SEMA3F: variants seen among roughly 807,000 people sequenced by gnomAD.
SEMA3F encodes semaphorin-3F.
Under a neutral mutation model 98.5 loss-of-function variants are expected in SEMA3F, and 30 were observed. The ratio of observed to expected loss-of-function variants is 0.30; its 90% CI spans 0.23 to 0.41. The LOEUF (loss-of-function observed/expected upper bound fraction) is 0.41. Among genes scored for constraint, SEMA3F ranks in the 10% least tolerant of loss-of-function variants. The pLI is 1.00. For missense variants in SEMA3F, 866 were observed against 1,119.3 expected (o/e 0.77, Z 3.23); for synonymous variants, 380 against 444.8 (o/e 0.85, Z 1.83).
In SEMA3F at chr3:50,155,343, CATGGCCCGGGCTGGG is replaced by C. The variant is rs1388146328; in HGVS notation, c.-269_-255del. On this transcript the variant is annotated 5_prime_UTR_variant, in exon 1 of 19. It removes an upstream start codon present in the reference 5' UTR. Coordinates refer to ENST00000002829, the MANE Select transcript of SEMA3F (RefSeq NM_004186.5). The surrounding 1 kb of genome is among the most constrained non-coding windows in gnomAD (Gnocchi z 4.9). Reference sequence around the variant, plus strand: ...GGCCCCGAGCGCCCCTGAGCCTTCCCATGGCCCGGGCTGGGGCCCGGGCCCTCGGCTGCTGACGCG... The same window carrying C: ...GGCCCCGAGCGCCCCTGAGCCTTCCCGCCCGGGCCCTCGGCTGCTGACGCG... 4 of 301,254 alleles carry C rather than the reference CATGGCCCGGGCTGGG, an allele frequency of 1.3e-5. No individual in the cohort carries two copies. The highest frequency in any genetic ancestry group is 2.4e-5 in the Non-Finnish European group (4 of 165,718). The allele number at this position is 301,254 out of a possible 1,614,324, so 18.7% of individuals were successfully genotyped here.
At chr3:50,161,694 C>T (rs1344899308) in intron 2 of SEMA3F, among the ~76,000 whole-genome samples, 1 of 152,220 alleles carries the variant, frequency 6.6e-6, no homozygotes, top group Non-Finnish European at 1.5e-5. Context: ...TATGACAGGC[C>T]CCGTGCTGAG....
chr3:50,184,744 C>G lies in SEMA3F; in HGVS notation c.1386C>G (p.Arg462=). ...TAGTCCGCACAGGTGCTCCCTACCG[C>G]CTTACCACTATTGCCGTGGACCAGG... ...PLVVRTGAPY[R]LTTIAVDQVD... The change falls in exon 13 of 19, where the codon CGC becomes CGG. Residue 462 remains arginine (R), a synonymous_variant. Transcript: ENST00000002829. The G allele has an allele frequency of 6.2e-7, 1 of 1,614,150 alleles. No homozygotes were observed. Among genetic ancestry groups the G allele is most frequent in the Admixed American group, 1.7e-5 (1 of 60,016 alleles).
intron 2 of SEMA3F, among the ~76,000 whole-genome samples, chr3:50,163,399 G>A (rs2109062918): frequency 6.6e-6 from 1 of 152,362 alleles, no homozygotes; most frequent in African/African-American, 2.4e-5. Context: ...GAGAGGAAAG[G>A]GCTCCTGTTC....
intron 7 of SEMA3F, among the ~76,000 whole-genome samples, 157 bp downstream of exon 7, chr3:50,177,018 GCCAGAC>G (rs1325708050): frequency 6.6e-6 from 1 of 152,214 alleles, no homozygotes; most frequent in African/African-American, 2.4e-5. Context: ...GAGGGTGCAG[GCCAGAC>G]CCCACTGTGA....
chr3:50,159,601 TG>T lies in SEMA3F; in HGVS notation c.-19del. 6.8e-7 allele frequency: 1 copy of T among 1,472,514 alleles called. No homozygotes were observed. Among genetic ancestry groups the T allele is most frequent in the Non-Finnish European group, 9.4e-7 (1 of 1,066,166 alleles). The allele number at this position is 1,472,514 out of a possible 1,614,324, so 91.2% of individuals were successfully genotyped here. On this transcript the variant is annotated 5_prime_UTR_variant, in exon 2 of 19. Coordinates refer to ENST00000002829, the MANE Select transcript of SEMA3F (RefSeq NM_004186.5). ...TTTCTAGAGAGTGGAGCCTGCTTCC[TG>T]GGCCCTAGGCCCCTCCCACAATGCT...
At chr3:50,175,340 G>T in intron 6 of SEMA3F, 152 bp downstream of exon 6, 1 of 629,178 alleles carries the variant, frequency 1.6e-6, no homozygotes, top group Non-Finnish European at 2.9e-6. Context: ...GAGCCCTCAG[G>T]CTCAGAAGGC....
chr3:50,179,038 T>G (rs544636384), intron 7 of SEMA3F, among the ~76,000 whole-genome samples: 2 of 151,960 alleles, frequency 1.3e-5, no homozygotes, highest in African/African-American at 4.8e-5. Flanking sequence ...TTAGCCAGGA[T>G]GGTCTCGATC....
Position 50,184,669 on chromosome 3 carries a change from C to T in SEMA3F, c.1311C>T (p.Ser437=). Reference sequence around the variant, plus strand: ...ATGAGGTGATCAACTTCATGCGCAGCCACCCACTCATGTACCAGGCCGTGT... The same window carrying T: ...ATGAGGTGATCAACTTCATGCGCAGTCACCCACTCATGTACCAGGCCGTGT... ...YPDEVINFMR[S]HPLMYQAVYP... Residue 437 remains serine, a synonymous_variant, in exon 13 of 19, where the codon AGC becomes AGT. Transcript: ENST00000002829. The T allele has an allele frequency of 6.2e-7, 1 of 1,614,134 alleles. No individual in the cohort carries two copies.
chr3:50,170,808 CTG>C (rs1484173840), intron 2 of SEMA3F, among the ~76,000 whole-genome samples: 2 of 152,058 alleles, frequency 1.3e-5, no homozygotes, highest in Non-Finnish European at 2.9e-5. Context: ...TCCCCCCACA[CTG>C]TTTCCACAGT....
chr3:50,178,885 G>T lies in SEMA3F; in HGVS notation c.643+2024G>T, dbSNP rs1344621099. ...CTCGCTCTGTCGCCCAGGCTGGAGTGCAGTGGTGTGATTTCAGCTCACTGC... is the reference window on the plus strand; with the variant it reads ...CTCGCTCTGTCGCCCAGGCTGGAGTTCAGTGGTGTGATTTCAGCTCACTGC... On this transcript the variant is annotated intron_variant, in intron 7 of 18. Transcript: ENST00000002829. Among the ~76,000 whole-genome samples the T allele has an allele frequency of 3.0e-5, 4 of 132,832 alleles. No homozygotes were observed. The Admixed American group carries it at 3.2e-4, about 11-fold the overall frequency. The allele number at this position is 132,832 out of a possible 152,430, so 87.1% of individuals were successfully genotyped here.
chr3:50,169,934 C>A (rs1188261724), intron 2 of SEMA3F, among the ~76,000 whole-genome samples: 1 of 152,172 alleles, frequency 6.6e-6, no homozygotes, highest in Non-Finnish European at 1.5e-5. Context: ...TTGCCCACCC[C>A]CTGCTCTGAC....
rs774850344 is a variant in SEMA3F, at chr3:50,185,849, T to G, written c.1588-40T>G. 9 of 1,606,778 alleles carry G rather than the reference T, an allele frequency of 5.6e-6. No homozygotes were observed. In the African/African-American group the frequency reaches 1.2e-4, roughly 21 times the overall value. On this transcript the variant is annotated intron_variant, in intron 15 of 18. Transcript: ENST00000002829. ...CTAGCTGGCTGTTGGTGGGGCTGGC[T>G]ATGGGACAGGAACTGACAAGGCCCT...
intron 2 of SEMA3F, among the ~76,000 whole-genome samples, chr3:50,165,285 G>A (rs1462510058): frequency 1.3e-5 from 2 of 152,170 alleles, no homozygotes; most frequent in Non-Finnish European, 2.9e-5. Flanking sequence ...CTTGCTTTTG[G>A]GACAAGGATG....
At chr3:50,173,545 G>A in intron 2 of SEMA3F, 1 of 506,970 alleles carries the variant, frequency 2.0e-6, no homozygotes, top group Non-Finnish European at 3.5e-6. Flanking sequence ...AGGAGGCTGA[G>A]ACAGGAGAAT....
At chr3:50,163,665 A>G (rs1698299131) in intron 2 of SEMA3F, among the ~76,000 whole-genome samples, 1 of 152,296 alleles carries the variant, frequency 6.6e-6, no homozygotes, top group South Asian at 2.1e-4. Context: ...GCTAGAGGAC[A>G]TGCTCTTGCC....
rs1307387958 is a variant in SEMA3F, at chr3:50,158,035, C to T, written c.-48-1540C>T. 6.6e-6 allele frequency among the ~76,000 whole-genome samples: 1 copy of T among 152,218 alleles called. No homozygotes were observed. Among genetic ancestry groups the T allele is most frequent in the Non-Finnish European group, 1.5e-5 (1 of 68,036 alleles). On this transcript the variant is annotated intron_variant, in intron 1 of 18. Coordinates refer to ENST00000002829, the MANE Select transcript of SEMA3F (RefSeq NM_004186.5). This position sits in a 1 kb window ranked among gnomAD's most constrained non-coding sequence, Gnocchi z 4.8. ...TCATGCTTGTAAGGACGTGTGTGGG[C>T]CTGCAAGTGTGAACGTGTGCATATC... is the stretch of plus-strand genomic sequence containing the variant.
chr3:50,166,089 C>G lies in SEMA3F; in HGVS notation c.112+6355C>G, dbSNP rs1399661524. 6.6e-6 allele frequency among the ~76,000 whole-genome samples: 1 copy of G among 152,138 alleles called. No homozygotes were observed. Among genetic ancestry groups the G allele is most frequent in the Non-Finnish European group, 1.5e-5 (1 of 68,014 alleles). ...CCTCAGCTCCGGATCCCCCTTCCCCCACTCTTCTTCCTTCCTTCCTCCCCC... is the reference window on the plus strand; with the variant it reads ...CCTCAGCTCCGGATCCCCCTTCCCCGACTCTTCTTCCTTCCTTCCTCCCCC... On this transcript the variant is annotated intron_variant, in intron 2 of 18. Coordinates refer to ENST00000002829, the MANE Select transcript of SEMA3F (RefSeq NM_004186.5). The surrounding 1 kb of genome is among the most constrained non-coding windows in gnomAD (Gnocchi z 4.7).
intron 13 of SEMA3F, 81 bp downstream of exon 13, chr3:50,184,895 T>TA: frequency 1.0e-6 from 1 of 992,668 alleles, no homozygotes; most frequent in Non-Finnish European, 1.5e-6. Context: ...GGGCTTGCCC[T>TA]GCTAGGGCTT....
At position 50,186,702 on chromosome 3, in the gene SEMA3F, G is replaced by T; in HGVS notation, c.1903G>T (p.Val635Phe). ...CCAGCCCCGCTCGCCCCAAGCCACT[G>T]TTAAGTGGCTGTTCCAGCGAGATCC... The part of the protein sequence containing the change: ...ECQPRSPQAT[V>F]KWLFQRDPGD... Residue 635 changes from valine to phenylalanine, a missense_variant, in exon 18 of 19, where the codon GTT becomes TTT. Val to Phe is a conservative substitution (Grantham distance 50, BLOSUM62 -1). This residue lies in a region of SEMA3F where 245 missense variants were observed against 260.5 expected (regional missense o/e 0.94). Coordinates refer to ENST00000002829, the MANE Select transcript of SEMA3F (RefSeq NM_004186.5). The T allele has an allele frequency of 6.2e-7, 1 of 1,609,376 alleles. No individual in the cohort carries two copies. The highest frequency in any genetic ancestry group is 8.5e-7 in the Non-Finnish European group (1 of 1,176,132).
Sources: gnomAD v4.1 joint callset for allele counts (sites outside exome capture counted in the v4.1 genomes callset) on GRCh38, gnomAD v4.1.1 for gene constraint, gnomAD v4.1.1 regional missense constraint, Gnocchi (gnomAD v3.1) non-coding constraint, MANE v1.5 for transcripts, NCBI Gene and HGNC (gene_info 2026-07-23, HGNC 2026-07-21) for gene names.